The following BCL11B variants were observed in gnomAD, a reference collection of about 807,000 sequenced individuals.
BCL11B encodes the protein BCL11 transcription factor B.
BCL11B carries 8 observed loss-of-function variants against 49.9 expected under a neutral mutation model. That is an observed-to-expected ratio of 0.16 (90% CI 0.09 to 0.29). BCL11B has a LOEUF of 0.29. BCL11B is among the 10% of genes least tolerant of loss of function. BCL11B has a pLI of 1.00. For synonymous variants in BCL11B, 739 were observed against 637.4 expected, an observed-to-expected ratio of 1.16 and a Z score of -2.40; for missense variants, 1,006 against 1,351.0, an observed-to-expected ratio of 0.74 and a Z score of 4.00.
At chr14:99,229,231 A>G (rs940409576) in intron 3 of BCL11B, among the ~76,000 whole-genome samples, 1 of 152,178 alleles carries the variant, frequency 6.6e-6, no homozygotes, top group African/African-American at 2.4e-5. Context: ...TGAGGAGAAT[A>G]AAGTATTAGG....
intron 2 of BCL11B, among the ~76,000 whole-genome samples, chr14:99,250,385 G>A (rs762652891): frequency 1.6e-4 from 24 of 151,596 alleles, no homozygotes; most frequent in African/African-American, 5.3e-4. Context: ...CTGAGATCGC[G>A]CCCTTGCACT....
At chr14:99,234,041 A>C (rs1274803563) in intron 2 of BCL11B, among the ~76,000 whole-genome samples, 1 of 152,180 alleles carries the variant, frequency 6.6e-6, no homozygotes, top group Non-Finnish European at 1.5e-5. Context: ...AAGCTACTGC[A>C]AAAGCCCAAA....
chr14:99,200,060 C>T (rs537910370), intron 3 of BCL11B, among the ~76,000 whole-genome samples: 4 of 151,890 alleles, frequency 2.6e-5, no homozygotes, highest in Admixed American at 2.6e-4. Context: ...CTTCTCCATC[C>T]CTCGGCTTCA....
intron 2 of BCL11B, among the ~76,000 whole-genome samples, chr14:99,255,325 T>C (rs1234084495): frequency 6.7e-6 from 1 of 149,580 alleles, no homozygotes; most frequent in Admixed American, 6.7e-5. Context: ...ATTCGTCCTG[T>C]TGCTGAACAG....
chr14:99,196,682 T>G (rs1566804793), intron 3 of BCL11B, among the ~76,000 whole-genome samples: 1 of 152,176 alleles, frequency 6.6e-6, no homozygotes, highest in South Asian at 2.1e-4. Flanking sequence ...GCACACTGGA[T>G]AGATGTTTGT....
chr14:99,217,636 G>C (rs1887891996), intron 3 of BCL11B, among the ~76,000 whole-genome samples: 1 of 152,202 alleles, frequency 6.6e-6, no homozygotes, highest in Non-Finnish European at 1.5e-5. Context: ...AGCTGAGCCA[G>C]CTGCTGTTCT....
intron 3 of BCL11B, among the ~76,000 whole-genome samples, chr14:99,206,769 G>A (rs926604654): frequency 2.6e-5 from 4 of 152,130 alleles, no homozygotes; most frequent in Non-Finnish European, 4.4e-5. Context: ...TTTATCATAG[G>A]TATGTGTGTA....
chr14:99,217,717 G>A (rs1833579665), intron 3 of BCL11B, among the ~76,000 whole-genome samples: 1 of 152,118 alleles, frequency 6.6e-6, no homozygotes, highest in Admixed American at 6.5e-5. Flanking sequence ...AGAAGCCACG[G>A]TAGGCTGGTG....
At position 99,174,162 on chromosome 14, in the gene BCL11B, C is replaced by A; in HGVS notation, c.2674G>T (p.Glu892Ter). The change falls in exon 4 of 4, where the codon GAG becomes TAG. Residue 892 changes from glutamate (E) to a stop codon, truncating the protein, a stop_gained. Transcript: ENST00000357195. LOFTEE classifies it high-confidence loss of function. ...LTNDVKIEQA[E>*]RS ...CGGGGCCCGCGCGCTTAGCTCCTCT[C>A]GGCCTGCTCGATTTTGACGTCGTTA... The A allele has an allele frequency of 1.2e-6, 2 of 1,612,424 alleles. No homozygotes were observed. The highest frequency in any genetic ancestry group is 8.5e-7 in the Non-Finnish European group (1 of 1,179,954).
At chr14:99,186,553 A>C (rs185845037) in intron 3 of BCL11B, among the ~76,000 whole-genome samples, 312 of 152,342 alleles carry the variant, frequency 2.0e-3, no homozygotes, top group Non-Finnish European at 3.4e-3. Context: ...AAGGGAGGGA[A>C]AGCGCATGCC....
At chr14:99,252,845 GGTGA>G (rs1385406713) in intron 2 of BCL11B, among the ~76,000 whole-genome samples, 12 of 152,228 alleles carry the variant, frequency 7.9e-5, no homozygotes, top group African/African-American at 9.7e-5. Context: ...CCAAATTCCT[GGTGA>G]TCAAGCGCCT....
At position 99,175,192 on chromosome 14, in the gene BCL11B, G is replaced by A. The variant is rs1475095087; in HGVS notation, c.1644C>T (p.Asn548=). The A allele has an allele frequency of 1.5e-5, 23 of 1,567,800 alleles. No homozygotes were observed. Among genetic ancestry groups the A allele is most frequent in the Admixed American group, 3.7e-5 (2 of 54,266 alleles). The change falls in exon 4 of 4, where the codon AAC becomes AAT. Residue 548 remains asparagine (N), a synonymous_variant. Coordinates refer to ENST00000357195, the MANE Select transcript of BCL11B (RefSeq NM_138576.4). ...EEEEEELLLE[N]ESRPESSFSM... is the part of the protein sequence containing the mutation. ...TGAAGCTCGACTCGGGCCGGCTCTCGTTCTCCAGTAGCAGCTCCTCCTCCT... is the reference window on the plus strand; with the variant it reads ...TGAAGCTCGACTCGGGCCGGCTCTCATTCTCCAGTAGCAGCTCCTCCTCCT...
chr14:99,220,807 C>A (rs1327109307), intron 3 of BCL11B, among the ~76,000 whole-genome samples: 2 of 152,116 alleles, frequency 1.3e-5, no homozygotes, highest in African/African-American at 4.8e-5. Flanking sequence ...CACAGAAAGC[C>A]CACAGCACAC....
At chr14:99,253,566 G>T (rs542657359) in intron 2 of BCL11B, among the ~76,000 whole-genome samples, 1 of 152,246 alleles carries the variant, frequency 6.6e-6, no homozygotes, top group African/African-American at 2.4e-5. Flanking sequence ...GGCTCAGAAG[G>T]TCAAGTGGCT....
intron 3 of BCL11B, among the ~76,000 whole-genome samples, chr14:99,199,733 T>G (rs111812632): frequency 0.013 from 1,904 of 149,494 alleles, 45 homozygotes; most frequent in African/African-American, 0.043. Flanking sequence ...TGCATATGTG[T>G]GTGTGTACAC....
At chr14:99,269,442 TAAAAG>T (rs1011824000) in intron 1 of BCL11B, among the ~76,000 whole-genome samples, 4 of 149,680 alleles carry the variant, frequency 2.7e-5, no homozygotes, top group African/African-American at 7.5e-5. Flanking sequence ...CGGCGAAAAA[TAAAAG>T]AGAAGTCCTC....
chr14:99,202,671 G>A (rs142984816), intron 3 of BCL11B, among the ~76,000 whole-genome samples: 21 of 152,236 alleles, frequency 1.4e-4, no homozygotes, highest in Non-Finnish European at 1.9e-4. Context: ...ACCTGTCGTC[G>A]GCCACTAGAG....
chr14:99,270,299 CTTTTTTTCT>C (rs1325824672), intron 1 of BCL11B, among the ~76,000 whole-genome samples: 2 of 151,844 alleles, frequency 1.3e-5, no homozygotes, highest in Admixed American at 6.6e-5. Flanking sequence ...GATGGGTCTC[CTTTTTTTCT>C]TTTTTTTCTT....
intron 3 of BCL11B, among the ~76,000 whole-genome samples, chr14:99,212,554 G>T (rs1048036418): frequency 6.6e-6 from 1 of 152,164 alleles, no homozygotes; most frequent in Non-Finnish European, 1.5e-5. Flanking sequence ...TCACAGCCTG[G>T]TCTCCCAGGA....
Sources: gnomAD v4.1 joint callset for allele counts (sites outside exome capture counted in the v4.1 genomes callset) on GRCh38, gnomAD v4.1.1 for gene constraint, MANE v1.5 for transcripts, NCBI Gene and HGNC (gene_info 2026-07-23, HGNC 2026-07-21) for gene names.